Variants in TDRD7 observed in about 807,000 individuals in gnomAD.
The protein encoded by TDRD7 is tudor domain containing 7.
In TDRD7, 47 loss-of-function variants were observed where a neutral mutation model predicts 109.8. The observed-to-expected ratio is 0.43, with a 90% CI of 0.34 to 0.55. The LOEUF (loss-of-function observed/expected upper bound fraction) is 0.55. TDRD7 is among the 20% of genes least tolerant of loss of function. The pLI is 0.03. For missense variants in TDRD7, 1,164 were observed against 1,319.2 expected, an observed-to-expected ratio of 0.88 and a Z score of 1.82; for synonymous variants, 424 against 457.3, an observed-to-expected ratio of 0.93 and a Z score of 0.93.
intron 11 of TDRD7, 80 bp from the exon 12 acceptor site, chr9:97,475,303 C>A: frequency 1.8e-6 from 2 of 1,133,506 alleles, no homozygotes; most frequent in Non-Finnish European, 2.7e-6. Context: ...GCCAGTGCCA[C>A]AGCGATCTGT....
At chr9:97,463,276 A>G (rs973456973) in intron 7 of TDRD7, among the ~76,000 whole-genome samples, 3 of 152,220 alleles carry the variant, frequency 2.0e-5, no homozygotes, top group African/African-American at 4.8e-5. Flanking sequence ...GAGTATGGCA[A>G]AGCTTCTGCA....
chr9:97,468,553 AT>A (rs1352986768), intron 8 of TDRD7, among the ~76,000 whole-genome samples: 1 of 152,182 alleles, frequency 6.6e-6, no homozygotes. Context: ...TTCTCCCTTT[AT>A]TTGGAGAAAC....
At chr9:97,485,062 T>C (rs1032101665) in intron 15 of TDRD7, among the ~76,000 whole-genome samples, 6 of 152,262 alleles carry the variant, frequency 3.9e-5, no homozygotes, top group African/African-American at 1.4e-4. Context: ...TAAAACTTCA[T>C]GAACTGAATC....
At chr9:97,422,401 A>T (rs1827914896) in intron 1 of TDRD7, among the ~76,000 whole-genome samples, 1 of 152,220 alleles carries the variant, frequency 6.6e-6, no homozygotes, top group Admixed American at 6.5e-5. Context: ...GTCTCAAAAA[A>T]AAAAATCAGT....
chr9:97,419,001 ATAAAG>A (rs1827856177), intron 1 of TDRD7, among the ~76,000 whole-genome samples: 1 of 152,204 alleles, frequency 6.6e-6, no homozygotes, highest in African/African-American at 2.4e-5. Flanking sequence ...GCAGGGGAAT[ATAAAG>A]TAGTCTGGCC....
intron 6 of TDRD7, among the ~76,000 whole-genome samples, chr9:97,449,213 G>C (rs904049544): frequency 6.6e-6 from 1 of 152,122 alleles, no homozygotes; most frequent in African/African-American, 2.4e-5. Context: ...AACACAGAAG[G>C]CTTCTGTGAC....
chr9:97,425,618 AAC>A (rs143439858), intron 1 of TDRD7, among the ~76,000 whole-genome samples: 21 of 151,338 alleles, frequency 1.4e-4, no homozygotes, highest in South Asian at 6.3e-4. Context: ...TATACACACA[AAC>A]ACACACACAC....
intron 15 of TDRD7, among the ~76,000 whole-genome samples, chr9:97,486,903 A>G (rs1288999205): frequency 6.6e-6 from 1 of 152,172 alleles, no homozygotes; most frequent in East Asian, 1.9e-4. Flanking sequence ...GACAGTTTAT[A>G]TGTCTCTTTC....
At position 97,464,878 on chromosome 9, in the gene TDRD7, A is replaced by T. The variant is rs138814978; in HGVS notation, c.1479A>T (p.Leu493Phe). 17 of 1,614,192 alleles carry T rather than the reference A, an allele frequency of 1.1e-5. No homozygotes were observed. The African/African-American group carries it at 2.1e-4, about 20-fold the overall frequency. ...VGKDYSAAQELMEDEMKEYYS... is the reference protein window; with the variant it reads ...VGKDYSAAQEFMEDEMKEYYS... ...AAGACTATTCTGCTGCTCAGGAATT[A>T]ATGGAAGATGAGATGAAGGAATATT... The change falls in exon 8 of 17, where the codon TTA (leucine) becomes TTT (phenylalanine). Residue 493 changes from leucine to phenylalanine, a missense_variant. Physicochemically the swap from Leu to Phe is conservative, Grantham distance 22 (BLOSUM62 0). Coordinates refer to ENST00000355295, the MANE Select transcript of TDRD7 (RefSeq NM_014290.3).
chr9:97,457,091 GA>G (rs1159590876), intron 6 of TDRD7, among the ~76,000 whole-genome samples: 2 of 152,170 alleles, frequency 1.3e-5, no homozygotes, highest in Admixed American at 1.3e-4. Flanking sequence ...GATCATCAGA[GA>G]AATGTTAATC....
In TDRD7 at chr9:97,495,965, C is replaced by G; in HGVS notation, c.*82C>G. The G allele has an allele frequency of 9.2e-7, 1 of 1,088,212 alleles. No individual in the cohort carries two copies. The highest frequency in any genetic ancestry group is 1.6e-5 in the African/African-American group (1 of 64,388). 67.4% of individuals were successfully genotyped at this position (1,088,212 alleles called of 1,614,324 possible). A position where few individuals can be genotyped will look rare whatever the true frequency, so the allele number is the denominator to read the frequency against. ...AGTAGGCTTAAAAAAAATCTTAACT[C>G]TGCTACATGGCTCTGACTGCTGTGG... On this transcript the variant is annotated 3_prime_UTR_variant, in exon 17 of 17. Coordinates refer to ENST00000355295, the MANE Select transcript of TDRD7 (RefSeq NM_014290.3).
At chr9:97,465,506 G>A (rs1386549187) in intron 8 of TDRD7, among the ~76,000 whole-genome samples, 1 of 152,178 alleles carries the variant, frequency 6.6e-6, no homozygotes, top group East Asian at 1.9e-4. Context: ...GGGCCCGTTT[G>A]CCACTTGCTT....
intron 12 of TDRD7, among the ~76,000 whole-genome samples, chr9:97,477,278 A>T (rs900588271): frequency 2.0e-5 from 3 of 152,204 alleles, no homozygotes; most frequent in Non-Finnish European, 4.4e-5. Context: ...TAGTTAATCC[A>T]CAGAACATAC....
chr9:97,456,870 A>C (rs1828621481), intron 6 of TDRD7, among the ~76,000 whole-genome samples: 3 of 152,230 alleles, frequency 2.0e-5, no homozygotes, highest in Admixed American at 6.5e-5. Flanking sequence ...CTATCATCAG[A>C]GTGAACAGGC....
chr9:97,461,122 A>C (rs542066882), intron 7 of TDRD7, among the ~76,000 whole-genome samples: 4 of 151,776 alleles, frequency 2.6e-5, no homozygotes, highest in Non-Finnish European at 4.4e-5. Context: ...GCCTGGGCGA[A>C]AGAGCAAGAC....
chr9:97,414,206 G>T (rs1027457527), intron 1 of TDRD7, among the ~76,000 whole-genome samples: 3 of 152,106 alleles, frequency 2.0e-5, no homozygotes, highest in Admixed American at 2.0e-4. Context: ...CTTCATTCTT[G>T]TCATTATTTC....
At chr9:97,451,077 A>G (rs1006089348) in intron 6 of TDRD7, among the ~76,000 whole-genome samples, 3 of 152,020 alleles carry the variant, frequency 2.0e-5, no homozygotes, top group Admixed American at 6.6e-5. Flanking sequence ...CCAGTGGCCA[A>G]TGACTTAACC....
At chr9:97,426,516 G>A (rs945208491) in intron 1 of TDRD7, among the ~76,000 whole-genome samples, 12 of 152,292 alleles carry the variant, frequency 7.9e-5, no homozygotes, top group African/African-American at 2.9e-4. Context: ...GCCTCCCAAA[G>A]CATTAGGACT....
chr9:97,416,059 G>A (rs781370583), intron 1 of TDRD7, among the ~76,000 whole-genome samples: 16 of 152,150 alleles, frequency 1.1e-4, no homozygotes, highest in Non-Finnish European at 4.4e-5. Flanking sequence ...CTGGCAAGTC[G>A]TGCATTTGAA....
Sources: allele counts gnomAD v4.1 joint callset (sites outside exome capture counted in the v4.1 genomes callset), GRCh38; gene constraint gnomAD v4.1.1; transcripts MANE v1.5; gene names NCBI Gene and HGNC (gene_info 2026-07-23, HGNC 2026-07-21).